The following MRM1 variants were observed in gnomAD, a reference collection of about 807,000 sequenced individuals.
MRM1 encodes rRNA methyltransferase 1, mitochondrial.
Under a neutral mutation model 25.0 loss-of-function variants are expected in MRM1, and 24 were observed. That is an observed-to-expected ratio of 0.96 (90% CI 0.69 to 1.35). The LOEUF (loss-of-function observed/expected upper bound fraction) is 1.35, where lower values mean the gene tolerates loss of function less well. Ranked by LOEUF, MRM1 falls within the 40% of genes most tolerant of loss-of-function variation. The pLI is 0.00. For missense variants in MRM1, 431 were observed against 464.1 expected (o/e 0.93, Z 0.65); for synonymous variants, 188 against 199.2 (o/e 0.94, Z 0.47).
At chr17:36,630,768 G>A in the MRM1 span, among the ~76,000 whole-genome samples, 2 of 152,142 alleles carry the variant, frequency 1.3e-5, no homozygotes, top group Admixed American at 6.5e-5. Flanking sequence ...GAGATGGGCA[G>A]GGAAAGGTCT....
rs1322265016 is a variant in MRM1, at chr17:36,607,924, G to A, written c.795G>A (p.Gln265=). Residue 265 remains glutamine (Q), a synonymous_variant, in exon 4 of 5, where the codon CAG becomes CAA. Coordinates refer to ENST00000614766, the MANE Select transcript of MRM1 (RefSeq NM_024864.5). The part of the protein sequence containing the change: ...VLGNEGSGLS[Q]EVQASCQLLL... ...GGAATGAGGGCTCAGGTCTATCCCAGGAGGTGCAGGCCTCCTGCCAGCTTC... is the reference window on the plus strand; with the variant it reads ...GGAATGAGGGCTCAGGTCTATCCCAAGAGGTGCAGGCCTCCTGCCAGCTTC... 6.2e-7 allele frequency: 1 copy of A among 1,614,146 alleles called. No individual in the cohort carries two copies. Among genetic ancestry groups the A allele is most frequent in the Non-Finnish European group, 8.5e-7 (1 of 1,180,012 alleles).
chr17:36,624,971 G>A, the MRM1 span, among the ~76,000 whole-genome samples: 1 of 152,144 alleles, frequency 6.6e-6, no homozygotes, highest in Non-Finnish European at 1.5e-5. The surrounding 1 kb of genome is among the most constrained non-coding windows in gnomAD (Gnocchi z 4.0). Flanking sequence ...AGCTGGGGTG[G>A]GAACCAGAGC....
the MRM1 span, among the ~76,000 whole-genome samples, chr17:36,618,027 C>A: frequency 6.6e-6 from 1 of 152,102 alleles, no homozygotes; most frequent in South Asian, 2.1e-4. Flanking sequence ...TATTGATGGG[C>A]AGAATTGGTG....
chr17:36,606,607 C>CTTTT (rs71159627), intron 2 of MRM1, among the ~76,000 whole-genome samples: 1 of 142,814 alleles, frequency 7.0e-6, no homozygotes, highest in Admixed American at 7.0e-5. Flanking sequence ...TCAGGCTAGT[C>CTTTT]TTTTTTTTTT....
At chr17:36,612,895 G>A (rs1431651724), downstream of MRM1, among the ~76,000 whole-genome samples, 2 of 152,176 alleles carry the variant, frequency 1.3e-5, no homozygotes, top group Non-Finnish European at 2.9e-5. Context: ...AGGGTGCTGG[G>A]TTGTGCTTCC....
chr17:36,617,584 C>T, the MRM1 span, among the ~76,000 whole-genome samples: 3 of 151,980 alleles, frequency 2.0e-5, no homozygotes, highest in Admixed American at 6.6e-5. Context: ...TGAGTAGAGG[C>T]GGGGTTTCAC....
chr17:36,610,243 T>C (rs947533422), downstream of MRM1, among the ~76,000 whole-genome samples: 24 of 151,126 alleles, frequency 1.6e-4, no homozygotes, highest in Non-Finnish European at 2.5e-4. Context: ...AGATCTTTTT[T>C]TTTTTTTGAG....
At position 36,602,642 on chromosome 17, in the gene MRM1, T is replaced by C; in HGVS notation, c.632T>C (p.Leu211Ser). ...VFSTDDLTGF[L>S]QTKAQQGWLV... ...TCCACTGATGACCTCACCGGATTTTTACAGGTAATGAGGGGCAAGAGGGGA... is the reference window on the plus strand; with the variant it reads ...TCCACTGATGACCTCACCGGATTTTCACAGGTAATGAGGGGCAAGAGGGGA... The change falls in exon 2 of 5, where the codon TTA becomes TCA. Residue 211 changes from leucine (L) to serine (S), a missense_variant. By Grantham distance (145) the Leu-to-Ser change is moderately radical. Coordinates refer to ENST00000614766, the MANE Select transcript of MRM1 (RefSeq NM_024864.5). The surrounding 1 kb of genome is among the most constrained non-coding windows in gnomAD (Gnocchi z 4.1). 6.2e-7 allele frequency: 1 copy of C among 1,614,124 alleles called. No individual in the cohort carries two copies. The highest frequency in any genetic ancestry group is 8.5e-7 in the Non-Finnish European group (1 of 1,179,992).
the MRM1 span, among the ~76,000 whole-genome samples, chr17:36,616,676 A>G: frequency 6.6e-6 from 1 of 152,174 alleles, no homozygotes; most frequent in African/African-American, 2.4e-5. Flanking sequence ...TTTGTTATGC[A>G]CTTACCATGG....
At chr17:36,632,207 A>G in the MRM1 span, among the ~76,000 whole-genome samples, 1 of 152,006 alleles carries the variant, frequency 6.6e-6, no homozygotes, top group Non-Finnish European at 1.5e-5. Flanking sequence ...CTGCATGAAT[A>G]CTTGTTAGTG....
intron 2 of MRM1, among the ~76,000 whole-genome samples, chr17:36,603,899 G>A (rs914662947): frequency 2.0e-5 from 3 of 152,094 alleles, no homozygotes; most frequent in Non-Finnish European, 4.4e-5. Context: ...AGCCTGATAG[G>A]AGATGAGGTT....
chr17:36,617,112 T>C, the MRM1 span, among the ~76,000 whole-genome samples: 95 of 151,918 alleles, frequency 6.3e-4, 1 homozygote, highest in East Asian at 0.017. Flanking sequence ...TGGCTTTAGG[T>C]GGTGTTCCAG....
At position 36,602,151 on chromosome 17, in the gene MRM1, A is replaced by G. The variant is rs2074879406; in HGVS notation, c.341A>G (p.Gln114Arg). Residue 114 changes from glutamine to arginine, a missense_variant, in exon 1 of 5, where the codon CAG becomes CGG. By Grantham distance (43) the Gln-to-Arg change is conservative. Coordinates refer to ENST00000614766, the MANE Select transcript of MRM1 (RefSeq NM_024864.5). The surrounding 1 kb of genome is among the most constrained non-coding windows in gnomAD (Gnocchi z 4.1). Reference sequence around the variant, plus strand: ...AAACTGGACACAATGTGCCGCTACCAGGTCCACCAGGGTGTCTGCATGGAG... The same window carrying G: ...AAACTGGACACAATGTGCCGCTACCGGGTCCACCAGGGTGTCTGCATGGAG... Reference protein sequence around the residue: ...RQKLDTMCRYQVHQGVCMEVS... With the variant: ...RQKLDTMCRYRVHQGVCMEVS... The G allele has an allele frequency of 6.2e-7, 1 of 1,613,070 alleles. No individual in the cohort carries two copies. The highest frequency in any genetic ancestry group is 8.5e-7 in the Non-Finnish European group (1 of 1,179,692).
the MRM1 span, among the ~76,000 whole-genome samples, chr17:36,628,561 G>A: frequency 1.3e-5 from 2 of 152,260 alleles, no homozygotes; most frequent in African/African-American, 4.8e-5. Context: ...AAGGTGCAGT[G>A]TGGCCAGTGC....
chr17:36,619,289 CA>C, the MRM1 span, among the ~76,000 whole-genome samples: 1 of 152,196 alleles, frequency 6.6e-6, no homozygotes, highest in African/African-American at 2.4e-5. Flanking sequence ...TCCATCCATC[CA>C]TCGATGGGCA....
chr17:36,629,728 T>TG, the MRM1 span, among the ~76,000 whole-genome samples: 4,141 of 57,538 alleles, frequency 0.072, 108 homozygotes, highest in African/African-American at 0.17. Flanking sequence ...AGGGATGGGG[T>TG]GGGGGGGGGC....
At chr17:36,619,593 A>C in the MRM1 span, among the ~76,000 whole-genome samples, 1 of 151,816 alleles carries the variant, frequency 6.6e-6, no homozygotes, top group African/African-American at 2.4e-5. Context: ...GCTTGAACCT[A>C]GGAGGCGGAG....
chr17:36,624,614 A>G, the MRM1 span, among the ~76,000 whole-genome samples: 1 of 152,130 alleles, frequency 6.6e-6, no homozygotes. The surrounding 1 kb of genome is among the most constrained non-coding windows in gnomAD (Gnocchi z 4.0). Context: ...GCTGGATAGG[A>G]CAGGGGCCTT....
chr17:36,602,439 C>T lies in MRM1; in HGVS notation c.542+87C>T. The T allele has an allele frequency of 6.4e-7, 1 of 1,570,468 alleles. No individual in the cohort carries two copies. The highest frequency in any genetic ancestry group is 8.7e-7 in the Non-Finnish European group (1 of 1,154,348). On this transcript the variant is annotated intron_variant, in intron 1 of 4. Transcript: ENST00000614766. This position sits in a 1 kb window ranked among gnomAD's most constrained non-coding sequence, Gnocchi z 4.1. ...CCTTGGCCCTTGGGTGATCCCTTAG[C>T]CAGACTTACCTGTCCCAGAACTCTC...
Sources: gnomAD v4.1 joint callset for allele counts (sites outside exome capture counted in the v4.1 genomes callset) on GRCh38, gnomAD v4.1.1 for gene constraint, Gnocchi (gnomAD v3.1) non-coding constraint, MANE v1.5 for transcripts, NCBI Gene and HGNC (gene_info 2026-07-23, HGNC 2026-07-21) for gene names.